The following SPOCK3 variants were observed in gnomAD, a reference collection of about 807,000 sequenced individuals.
SPOCK3 encodes testican-3.
A neutral mutation model predicts 56.6 loss-of-function variants in SPOCK3; 30 were observed. That is an observed-to-expected ratio of 0.53 (90% CI 0.40 to 0.72). The LOEUF is 0.72. SPOCK3 is among the 30% of genes least tolerant of loss of function. SPOCK3 has a pLI of 0.00. For synonymous variants in SPOCK3, 196 were observed against 183.3 expected, an observed-to-expected ratio of 1.07 and a Z score of -0.56; for missense variants, 527 against 530.0, an observed-to-expected ratio of 0.99 and a Z score of 0.06.
chr4:166,821,199 T>A (rs1019638247), intron 6 of SPOCK3, among the ~76,000 whole-genome samples: 13 of 152,098 alleles, frequency 8.5e-5, no homozygotes, highest in Non-Finnish European at 1.9e-4. Flanking sequence ...AAATTTCTGA[T>A]AAGCACATGG....
chr4:166,851,371 G>A (rs573902844), intron 6 of SPOCK3, among the ~76,000 whole-genome samples: 37 of 152,294 alleles, frequency 2.4e-4, no homozygotes, highest in African/African-American at 7.9e-4. Context: ...ATGGGGAAAA[G>A]ATAGAGCAGA....
chr4:167,193,694 C>T (rs1732674995), intron 2 of SPOCK3, among the ~76,000 whole-genome samples: 1 of 145,736 alleles, frequency 6.9e-6, no homozygotes, highest in Non-Finnish European at 1.5e-5. Context: ...ATATACTAAT[C>T]CATTCCCTTC....
At chr4:166,762,798 G>GA (rs766639672) in intron 7 of SPOCK3, among the ~76,000 whole-genome samples, 16 of 151,606 alleles carry the variant, frequency 1.1e-4, no homozygotes, top group East Asian at 3.9e-4. Context: ...CACTTCAGAA[G>GA]AAAAAAAATC....
chr4:166,777,990 G>A (rs866050216), intron 7 of SPOCK3, among the ~76,000 whole-genome samples: 9 of 152,136 alleles, frequency 5.9e-5, no homozygotes, highest in African/African-American at 2.2e-4. Flanking sequence ...ACCACAGTGT[G>A]CTTATTAATA....
At chr4:166,972,659 T>A (rs929848657) in intron 4 of SPOCK3, among the ~76,000 whole-genome samples, 2 of 147,490 alleles carry the variant, frequency 1.4e-5, no homozygotes, top group African/African-American at 5.1e-5. Context: ...GAGTCCACAT[T>A]GTTTTAAGGA....
In SPOCK3 at chr4:166,794,677, T is replaced by C. The variant is rs567133356; in HGVS notation, c.590-2388A>G. ...TTTTTTTTGAGACAGAGTTTCGCTC[T>C]TGTTGCCCATGCTGGGATGCAGAGG... On this transcript the variant is annotated intron_variant, in intron 6 of 10. Transcript: ENST00000357545. 4.7e-5 allele frequency among the ~76,000 whole-genome samples: 7 copies of C among 149,556 alleles called. No homozygotes were observed. In the South Asian group the frequency reaches 1.5e-3, roughly 32 times the overall value.
At chr4:166,985,307 T>G (rs533217154) in intron 4 of SPOCK3, among the ~76,000 whole-genome samples, 3 of 152,158 alleles carry the variant, frequency 2.0e-5, no homozygotes, top group Non-Finnish European at 2.9e-5. Context: ...TGGCTATAGT[T>G]TAGACGTAAT....
intron 2 of SPOCK3, among the ~76,000 whole-genome samples, chr4:167,134,050 A>G (rs1170612411): frequency 9.3e-6 from 1 of 107,270 alleles, no homozygotes; most frequent in African/African-American, 3.8e-5. Flanking sequence ...TTTTTTTGAG[A>G]CAGAGTCTTG....
At chr4:166,764,195 C>T (rs1297669001) in intron 7 of SPOCK3, among the ~76,000 whole-genome samples, 1 of 151,516 alleles carries the variant, frequency 6.6e-6, no homozygotes, top group Admixed American at 6.6e-5. Flanking sequence ...AAAAGATATC[C>T]ACTTTTTTTT....
intron 4 of SPOCK3, among the ~76,000 whole-genome samples, chr4:166,970,743 A>G (rs980377003): frequency 6.6e-6 from 1 of 152,116 alleles, no homozygotes; most frequent in Non-Finnish European, 1.5e-5. Context: ...AAGAAAAAAA[A>G]AAAACAGAGT....
chr4:166,849,461 G>T (rs1044523673), intron 6 of SPOCK3, among the ~76,000 whole-genome samples: 3 of 151,982 alleles, frequency 2.0e-5, no homozygotes, highest in African/African-American at 7.3e-5. Flanking sequence ...CCACAGGAGA[G>T]ACCACTAATA....
At chr4:166,897,725 A>G (rs184380539) in intron 5 of SPOCK3, among the ~76,000 whole-genome samples, 1 of 152,130 alleles carries the variant, frequency 6.6e-6, no homozygotes, top group Non-Finnish European at 1.5e-5. Flanking sequence ...GACCCTTCAC[A>G]GTTCTAGTGG....
At chr4:166,954,873 C>A (rs1262270316) in intron 4 of SPOCK3, among the ~76,000 whole-genome samples, 1 of 152,156 alleles carries the variant, frequency 6.6e-6, no homozygotes, top group East Asian at 1.9e-4. Context: ...TGTAGATATG[C>A]CCTTCCTGAA....
chr4:166,782,782 A>C (rs1291110197), intron 7 of SPOCK3, among the ~76,000 whole-genome samples: 1 of 152,196 alleles, frequency 6.6e-6, no homozygotes, highest in African/African-American at 2.4e-5. Context: ...ACATTAATAA[A>C]TTGTAAATAG....
chr4:167,024,276 T>C (rs1751482043), intron 3 of SPOCK3, among the ~76,000 whole-genome samples: 2 of 152,012 alleles, frequency 1.3e-5, no homozygotes, highest in African/African-American at 4.8e-5. Flanking sequence ...AAATGACAGA[T>C]TTGCTAAAAA....
At chr4:166,754,831 TGA>T in intron 7 of SPOCK3, 102 bp from the exon 8 acceptor site, 1 of 1,003,276 alleles carries the variant, frequency 1.0e-6, no homozygotes, top group Non-Finnish European at 1.5e-6. Flanking sequence ...GGACATCTAA[TGA>T]ATAGTTAGAG....
At chr4:166,918,300 G>T (rs990071376) in intron 4 of SPOCK3, 1 of 152,034 alleles carries the variant, frequency 6.6e-6, no homozygotes, top group South Asian at 2.1e-4. Context: ...TTTCTATATT[G>T]TATGTCAGGA....
chr4:166,816,097 T>C (rs770004491), intron 6 of SPOCK3, among the ~76,000 whole-genome samples: 16 of 152,066 alleles, frequency 1.1e-4, no homozygotes, highest in Non-Finnish European at 1.8e-4. Context: ...AGAAAATGAA[T>C]GTAAATAATT....
chr4:167,224,801 G>A (rs1187822700), intron 2 of SPOCK3, among the ~76,000 whole-genome samples: 1 of 151,692 alleles, frequency 6.6e-6, no homozygotes, highest in Non-Finnish European at 1.5e-5. Context: ...CGAGTAGCTG[G>A]GATTACAGGC....
Sources: gnomAD v4.1 joint callset for allele counts (sites outside exome capture counted in the v4.1 genomes callset) on GRCh38, gnomAD v4.1.1 for gene constraint, MANE v1.5 for transcripts, NCBI Gene and HGNC (gene_info 2026-07-23, HGNC 2026-07-21) for gene names.